CPXM2: variants seen among roughly 807,000 people sequenced by gnomAD.
CPXM2 encodes the protein inactive carboxypeptidase-like protein X2.
Under a neutral mutation model 86.1 loss-of-function variants are expected in CPXM2, and 66 were observed. The observed-to-expected ratio is 0.77, with a 90% confidence interval of 0.63 to 0.94. CPXM2 has a LOEUF of 0.94. Among genes scored for constraint, CPXM2 ranks in the 40% least tolerant of loss-of-function variants. The probability of loss-of-function intolerance (pLI) is 0.00; values close to 1 mark genes in which losing one functional copy is unlikely to be tolerated. For missense variants in CPXM2, 948 were observed against 1,026.3 expected, an observed-to-expected ratio of 0.92 and a Z score of 1.04; for synonymous variants, 388 against 400.2, an observed-to-expected ratio of 0.97 and a Z score of 0.36.
At chr10:123,749,933 G>T (rs1316821066) in intron 13 of CPXM2, among the ~76,000 whole-genome samples, 1 of 149,724 alleles carries the variant, frequency 6.7e-6, no homozygotes, top group African/African-American at 2.5e-5. Flanking sequence ...AGCCTCCCAA[G>T]TAGCTGGGAT....
At chr10:123,933,671 T>C (rs1244535225) in intron 2 of CPXM2, among the ~76,000 whole-genome samples, 1 of 151,652 alleles carries the variant, frequency 6.6e-6, no homozygotes, top group Non-Finnish European at 1.5e-5. Context: ...TGAGCTGAGA[T>C]CACGCCACTG....
At chr10:123,777,552 A>T (rs966886578) in intron 7 of CPXM2, 1 of 152,046 alleles carries the variant, frequency 6.6e-6, no homozygotes, top group African/African-American at 2.4e-5. Flanking sequence ...AACCTCCCAG[A>T]CCCCTGCATC....
At chr10:123,793,868 G>A (rs188734332) in intron 6 of CPXM2, among the ~76,000 whole-genome samples, 1 of 152,330 alleles carries the variant, frequency 6.6e-6, no homozygotes, top group Non-Finnish European at 1.5e-5. Context: ...ATCAATTTAT[G>A]TACAAAGTCT....
In CPXM2 at chr10:123,763,318, T is replaced by C. The variant is rs183378926; in HGVS notation, c.1480-1149A>G. 5.5e-3 allele frequency among the ~76,000 whole-genome samples: 843 copies of C among 152,264 alleles called. 2 individuals are homozygous for C. Among genetic ancestry groups the C allele is most frequent in the Non-Finnish European group, 9.0e-3 (615 of 68,022 alleles). ...CTCCCAAAGTGCTGGGATTCCCTTC[T>C]GTTATTTATTTCAATATGGAAAACA... is the stretch of plus-strand genomic sequence containing the variant. On this transcript the variant is annotated intron_variant, in intron 10 of 13. Coordinates refer to ENST00000241305, the MANE Select transcript of CPXM2 (RefSeq NM_198148.3).
chr10:123,774,513 A>T (rs1477234874), intron 7 of CPXM2, among the ~76,000 whole-genome samples: 1 of 152,196 alleles, frequency 6.6e-6, no homozygotes, highest in Non-Finnish European at 1.5e-5. Context: ...ATAACACAAC[A>T]TTCTGTAATG....
intron 8 of CPXM2, among the ~76,000 whole-genome samples, chr10:123,769,020 C>T (rs908809516): frequency 2.0e-5 from 3 of 152,146 alleles, no homozygotes; most frequent in Admixed American, 1.3e-4. Flanking sequence ...GCTTAACATT[C>T]ACAAGTTGAG....
intron 2 of CPXM2, chr10:123,913,567 T>G: frequency 6.0e-6 from 1 of 166,842 alleles, no homozygotes; most frequent in South Asian, 1.5e-4. Flanking sequence ...CTAAGGAAGC[T>G]ACGTAATAAA....
intron 3 of CPXM2, among the ~76,000 whole-genome samples, chr10:123,854,439 ACTT>A (rs1848676228): frequency 8.2e-6 from 1 of 121,454 alleles, no homozygotes; most frequent in African/African-American, 3.1e-5. Flanking sequence ...TATATAATAT[ACTT>A]TTATATATAA....
intron 4 of CPXM2, among the ~76,000 whole-genome samples, chr10:123,799,713 CT>C (rs1434521020): frequency 6.6e-6 from 1 of 152,180 alleles, no homozygotes; most frequent in East Asian, 1.9e-4. Flanking sequence ...TACTGAGTTT[CT>C]CCTTGGCTGT....
At chr10:123,907,545 C>T (rs536919208) in intron 2 of CPXM2, among the ~76,000 whole-genome samples, 11 of 151,004 alleles carry the variant, frequency 7.3e-5, no homozygotes, top group African/African-American at 2.7e-4. Flanking sequence ...CCTGACCCTA[C>T]TGGGGATCAC....
At chr10:123,815,199 G>T (rs934312110) in intron 4 of CPXM2, among the ~76,000 whole-genome samples, 6 of 152,122 alleles carry the variant, frequency 3.9e-5, no homozygotes, top group African/African-American at 1.4e-4. Flanking sequence ...AGTGATGAAA[G>T]AAAATGATGA....
intron 2 of CPXM2, among the ~76,000 whole-genome samples, chr10:123,901,544 G>C (rs1158286704): frequency 6.6e-6 from 1 of 151,452 alleles, no homozygotes; most frequent in Non-Finnish European, 1.5e-5. Flanking sequence ...AACCATTTCT[G>C]TTTCTGAGAA....
intron 4 of CPXM2, among the ~76,000 whole-genome samples, chr10:123,822,066 G>T (rs527506661): frequency 6.6e-6 from 1 of 152,340 alleles, no homozygotes; most frequent in East Asian, 1.9e-4. Context: ...TTCAGAACCA[G>T]ATGTGTGACC....
chr10:123,756,132 A>G (rs1846202531), intron 12 of CPXM2, among the ~76,000 whole-genome samples: 1 of 152,180 alleles, frequency 6.6e-6, no homozygotes, highest in African/African-American at 2.4e-5. Flanking sequence ...CCATGGGCTG[A>G]ATGTGCCTTC....
chr10:123,778,388 C>T (rs1278359881), intron 7 of CPXM2, among the ~76,000 whole-genome samples: 7 of 152,186 alleles, frequency 4.6e-5, no homozygotes, highest in Non-Finnish European at 7.3e-5. Flanking sequence ...GGCTTGAACA[C>T]TCTTCAGGAT....
At chr10:123,848,621 C>T (rs1271132083) in intron 3 of CPXM2, among the ~76,000 whole-genome samples, 1 of 152,178 alleles carries the variant, frequency 6.6e-6, no homozygotes, top group Non-Finnish European at 1.5e-5. Flanking sequence ...TTCAATTTAA[C>T]TCCAATCTGG....
chr10:123,768,164 G>C (rs1846530299), intron 9 of CPXM2, among the ~76,000 whole-genome samples: 1 of 152,132 alleles, frequency 6.6e-6, no homozygotes, highest in Admixed American at 6.5e-5. Context: ...AAGGCTGGCG[G>C]ATTACCTTAG....
In CPXM2 at chr10:123,768,692, GC is replaced by G; in HGVS notation, c.1132del (p.Ala378ProfsTer82). ...GEPEFHYIAG[A>X]HGNEVLGREL... ...CCGGCCCAGCACCTCATTGCCGTGGGCCCCCGCGATGTAGTGGAACTCGGGC... is the reference window on the plus strand; with the variant it reads ...CCGGCCCAGCACCTCATTGCCGTGGGCCCCGCGATGTAGTGGAACTCGGGC... On this transcript the variant is annotated frameshift_variant, in exon 9 of 14. Transcript: ENST00000241305. LOFTEE classifies it high-confidence loss of function. The G allele has an allele frequency of 6.2e-7, 1 of 1,610,994 alleles. No homozygotes were observed.
At chr10:123,928,308 A>G (rs1945640966) in intron 2 of CPXM2, among the ~76,000 whole-genome samples, 1 of 152,150 alleles carries the variant, frequency 6.6e-6, no homozygotes, top group African/African-American at 2.4e-5. Flanking sequence ...TGGTCTGATG[A>G]CCCCTGGGAG....
Sources: allele counts gnomAD v4.1 joint callset (sites outside exome capture counted in the v4.1 genomes callset), GRCh38; gene constraint gnomAD v4.1.1; transcripts MANE v1.5; gene names NCBI Gene and HGNC (gene_info 2026-07-23, HGNC 2026-07-21).